Variants in MBNL1 observed in about 807,000 individuals in gnomAD.
The protein encoded by MBNL1 is muscleblind-like protein 1.
A neutral mutation model predicts 42.2 loss-of-function variants in MBNL1; 8 were observed. The ratio of observed to expected loss-of-function variants is 0.19; its 90% CI spans 0.11 to 0.34. The LOEUF (loss-of-function observed/expected upper bound fraction) is 0.34. Among genes scored for constraint, MBNL1 ranks in the 10% least tolerant of loss-of-function variants. The probability of loss-of-function intolerance (pLI) is 1.00; values close to 1 mark genes in which losing one functional copy is unlikely to be tolerated. For synonymous variants in MBNL1, 169 were observed against 173.9 expected (o/e 0.97, Z 0.22); for missense variants, 309 against 495.3 (o/e 0.62, Z 3.57).
At chr3:152,272,960 A>C (rs528422695) in intron 1 of MBNL1, among the ~76,000 whole-genome samples, 1 of 152,190 alleles carries the variant, frequency 6.6e-6, no homozygotes. Flanking sequence ...AAGGATGCCA[A>C]AAAATGTAAA....
At chr3:152,365,861 A>C (rs1320152076) in intron 2 of MBNL1, among the ~76,000 whole-genome samples, 3 of 152,198 alleles carry the variant, frequency 2.0e-5, no homozygotes, top group Admixed American at 2.0e-4. Flanking sequence ...AAAAGAAAAG[A>C]TACACAAACT....
chr3:152,270,737 T>G (rs1189366729), intron 1 of MBNL1, among the ~76,000 whole-genome samples: 1 of 152,212 alleles, frequency 6.6e-6, no homozygotes, highest in Non-Finnish European at 1.5e-5. Flanking sequence ...AGGCTAAACT[T>G]CTTTAGAAAA....
Position 152,365,072 on chromosome 3 carries a change from A to T in MBNL1, c.175-49869A>T, listed in dbSNP as rs1205555596. On this transcript the variant is annotated intron_variant, in intron 2 of 9. Transcript: ENST00000324210. ...ACACTGTATAATGCCAAACCTTAGG[A>T]TAGTTGCAGGTGGCATATGTAGAAA... 2.6e-5 allele frequency among the ~76,000 whole-genome samples: 4 copies of T among 152,090 alleles called. No homozygotes were observed. The East Asian group carries it at 7.7e-4, about 29-fold the overall frequency.
intron 2 of MBNL1, among the ~76,000 whole-genome samples, chr3:152,401,172 A>G (rs1579582722): frequency 6.6e-6 from 1 of 152,226 alleles, no homozygotes; most frequent in South Asian, 2.1e-4. Flanking sequence ...TCTCTTATTC[A>G]TTCTACAAAC....
intron 3 of MBNL1, among the ~76,000 whole-genome samples, chr3:152,418,631 AGAG>A (rs1374438795): frequency 3.8e-3 from 354 of 92,150 alleles, no homozygotes; most frequent in Middle Eastern, 0.03. Flanking sequence ...AAAAAAAAAA[AGAG>A]AGAGAGAGAG....
chr3:152,317,740 C>T (rs558262552), intron 2 of MBNL1, among the ~76,000 whole-genome samples: 1 of 152,048 alleles, frequency 6.6e-6, no homozygotes, highest in East Asian at 1.9e-4. Context: ...ATCTGTAAAC[C>T]CACAAACAAA....
In MBNL1 at chr3:152,337,967, C is replaced by T. The variant is rs577371084; in HGVS notation, c.174+37600C>T. ...TAATGTTGCCTTTTAATTTCTGCTG[C>T]CTTGCGGATCAGCACCCTGGGATTT... On this transcript the variant is annotated intron_variant, in intron 2 of 9. Coordinates refer to ENST00000324210, the MANE Select transcript of MBNL1 (RefSeq NM_021038.5). The T allele has an allele frequency of 2.2e-5, 9 of 411,812 alleles. No individual in the cohort carries two copies. In the South Asian group the frequency reaches 9.3e-4, roughly 42 times the overall value. 25.5% of individuals were successfully genotyped at this position (411,812 alleles called of 1,614,324 possible). A position where few individuals can be genotyped will look rare whatever the true frequency, so the allele number is the denominator to read the frequency against.
At chr3:152,355,890 G>C (rs761851903) in intron 2 of MBNL1, among the ~76,000 whole-genome samples, 5 of 152,178 alleles carry the variant, frequency 3.3e-5, no homozygotes, top group Non-Finnish European at 7.3e-5. Context: ...GCATGCGGAA[G>C]CAGCACAAGA....
chr3:152,434,936 A>G (rs1456433717), intron 4 of MBNL1, among the ~76,000 whole-genome samples: 6 of 152,064 alleles, frequency 3.9e-5, no homozygotes, highest in African/African-American at 1.4e-4. Context: ...CAGATTCTAG[A>G]TATTAGACCT....
intron 2 of MBNL1, among the ~76,000 whole-genome samples, chr3:152,356,903 C>A (rs1405857548): frequency 3.5e-5 from 5 of 142,600 alleles, no homozygotes; most frequent in Admixed American, 3.5e-4. Flanking sequence ...CCAGGTATAT[C>A]TTAATGCAAA....
intron 2 of MBNL1, among the ~76,000 whole-genome samples, chr3:152,258,732 A>G (rs1450927628): frequency 6.6e-6 from 1 of 152,244 alleles, no homozygotes; most frequent in East Asian, 1.9e-4. Flanking sequence ...AACAAAACAG[A>G]TTTACTTCAT....
chr3:152,329,154 A>C (rs545630762), intron 2 of MBNL1, among the ~76,000 whole-genome samples: 2 of 152,272 alleles, frequency 1.3e-5, no homozygotes, highest in South Asian at 4.1e-4. Flanking sequence ...GCTAAAAGAC[A>C]GATGTGAGCT....
chr3:152,414,008 G>A (rs989059343), intron 2 of MBNL1, among the ~76,000 whole-genome samples: 2 of 152,002 alleles, frequency 1.3e-5, no homozygotes, highest in Admixed American at 6.6e-5. Flanking sequence ...TCTCAAACTC[G>A]TGTGCTCAGG....
intron 2 of MBNL1, chr3:152,340,289 A>G (rs557213631): frequency 2.6e-5 from 12 of 467,942 alleles, no homozygotes; most frequent in Admixed American, 1.2e-4. Context: ...CAGCCTGGGC[A>G]ATAGAGTGAG....
intron 2 of MBNL1, among the ~76,000 whole-genome samples, chr3:152,330,511 TAAA>T (rs1250863016): frequency 2.0e-4 from 30 of 152,134 alleles, no homozygotes; most frequent in Admixed American, 2.0e-3. Flanking sequence ...CCTATTGAAA[TAAA>T]AAATTCAGTC....
intron 2 of MBNL1, among the ~76,000 whole-genome samples, chr3:152,310,986 C>T (rs2066068606): frequency 6.8e-6 from 1 of 146,244 alleles, no homozygotes; most frequent in Non-Finnish European, 1.5e-5. Context: ...TTTTCTAATG[C>T]ACAGAACCAT....
At chr3:152,260,715 T>C (rs1252607446) in intron 2 of MBNL1, among the ~76,000 whole-genome samples, 9 of 152,238 alleles carry the variant, frequency 5.9e-5, no homozygotes, top group African/African-American at 1.9e-4. Context: ...TTTTAGAATA[T>C]GTAGGATTCT....
intron 8 of MBNL1, among the ~76,000 whole-genome samples, chr3:152,457,413 CAT>C (rs1288900680): frequency 2.6e-5 from 4 of 152,150 alleles, no homozygotes; most frequent in Non-Finnish European, 5.9e-5. Context: ...CCAATTAAGA[CAT>C]AGATTTGTTG....
Position 152,300,142 on chromosome 3 carries a change from G to T in MBNL1, c.-52G>T. On this transcript the variant is annotated 5_prime_UTR_variant, in exon 2 of 10. Transcript: ENST00000324210. ...TTTGGTTGTTGCTCTTTTTTGGGGG[G>T]GTTGGGTTTGTTGGTTTCACTGAAA... is the stretch of plus-strand genomic sequence containing the variant. 8.0e-7 allele frequency: 1 copy of T among 1,246,486 alleles called. No individual in the cohort carries two copies. Among genetic ancestry groups the T allele is most frequent in the Non-Finnish European group, 1.1e-6 (1 of 898,908 alleles). The allele number at this position is 1,246,486 out of a possible 1,614,324, so 77.2% of individuals were successfully genotyped here.
Sources: gnomAD v4.1 joint callset for allele counts (sites outside exome capture counted in the v4.1 genomes callset) on GRCh38, gnomAD v4.1.1 for gene constraint, MANE v1.5 for transcripts, NCBI Gene and HGNC (gene_info 2026-07-23, HGNC 2026-07-21) for gene names.